CACNA1C: variants seen among roughly 807,000 people sequenced by gnomAD.
The protein encoded by CACNA1C is voltage-dependent L-type calcium channel subunit alpha-1C.
In CACNA1C, 30 loss-of-function variants were observed where a neutral mutation model predicts 229.0. The ratio of observed to expected loss-of-function variants is 0.13; its 90% CI spans 0.10 to 0.18. The LOEUF (loss-of-function observed/expected upper bound fraction) is 0.18. CACNA1C is among the 10% of genes least tolerant of loss of function. CACNA1C has a pLI of 1.00. For synonymous variants in CACNA1C, 1,114 were observed against 1,132.5 expected (o/e 0.98, Z 0.33); for missense variants, 1,658 against 2,845.0 (o/e 0.58, Z 9.49).
Position 2,678,018 on chromosome 12 carries a change from C to T in CACNA1C, c.5091+151C>T. 2.3e-6 allele frequency: 2 copies of T among 865,974 alleles called. No individual in the cohort carries two copies. Among genetic ancestry groups the T allele is most frequent in the African/African-American group, 1.7e-5 (1 of 59,644 alleles). 53.6% of individuals were successfully genotyped at this position (865,974 alleles called of 1,614,324 possible). ...CTCTTCCTGATGAGCTGTCTCCTCA[C>T]CCCTTTGCCTTTTCCAAGCCTGACT... On this transcript the variant is annotated intron_variant, in intron 41 of 46. Coordinates refer to ENST00000399655, the MANE Select transcript of CACNA1C (RefSeq NM_000719.7). The surrounding 1 kb of genome is among the most constrained non-coding windows in gnomAD (Gnocchi z 4.1).
chr12:2,001,699 T>G (rs1165161224), intron 1 of CACNA1C, among the ~76,000 whole-genome samples: 1 of 152,230 alleles, frequency 6.6e-6, no homozygotes, highest in Non-Finnish European at 1.5e-5. Context: ...GGTTTTAGTT[T>G]GGCATTTTTC....
At chr12:2,360,330 G>A (rs901645657) in intron 3 of CACNA1C, among the ~76,000 whole-genome samples, 1 of 152,198 alleles carries the variant, frequency 6.6e-6, no homozygotes, top group Admixed American at 6.5e-5. Context: ...TCCACTGCCC[G>A]GGAGCTGCTC....
At position 2,691,380 on chromosome 12, in the gene CACNA1C, G is replaced by A. The variant is rs1428817965; in HGVS notation, c.*181G>A. The A allele has an allele frequency of 3.0e-5, 18 of 595,540 alleles. No individual in the cohort carries two copies. Among genetic ancestry groups the A allele is most frequent in the South Asian group, 6.1e-5 (1 of 16,372 alleles). The allele number at this position is 595,540 out of a possible 1,614,324, so 36.9% of individuals were successfully genotyped here. A position where few individuals can be genotyped will look rare whatever the true frequency, so the allele number is the denominator to read the frequency against. ...CCGCCCTCCGGGAGGAAGGCGCCCGGCTGCGTCTGCAGAGGCGGGGAGAGG... is the reference window on the plus strand; with the variant it reads ...CCGCCCTCCGGGAGGAAGGCGCCCGACTGCGTCTGCAGAGGCGGGGAGAGG... On this transcript the variant is annotated 3_prime_UTR_variant, in exon 47 of 47. Coordinates refer to ENST00000399655, the MANE Select transcript of CACNA1C (RefSeq NM_000719.7).
At chr12:2,254,078 T>C (rs2076532144) in intron 3 of CACNA1C, among the ~76,000 whole-genome samples, 1 of 152,164 alleles carries the variant, frequency 6.6e-6, no homozygotes, top group South Asian at 2.1e-4. Context: ...ACCTGGGCAC[T>C]TCTTAGTTTG....
chr12:2,334,789 G>T (rs552577888), intron 3 of CACNA1C, among the ~76,000 whole-genome samples: 1 of 152,104 alleles, frequency 6.6e-6, no homozygotes, highest in African/African-American at 2.4e-5. Context: ...GATTAAATGA[G>T]ATGACAGCAA....
chr12:2,559,404 A>G (rs1006564), intron 11 of CACNA1C, among the ~76,000 whole-genome samples: 130,491 of 152,256 alleles, frequency 0.86, 56,288 homozygotes, highest in Non-Finnish European at 0.91. Flanking sequence ...TATGGTGCAA[A>G]CTGTGCTTTT....
chr12:2,336,082 T>G (rs1346094751), intron 3 of CACNA1C, among the ~76,000 whole-genome samples: 7 of 150,966 alleles, frequency 4.6e-5, no homozygotes, highest in Non-Finnish European at 1.0e-4. Flanking sequence ...GAAAATTTCC[T>G]TACTATTTTA....
intron 3 of CACNA1C, among the ~76,000 whole-genome samples, chr12:2,433,325 G>A (rs139906453): frequency 2.1e-3 from 319 of 152,288 alleles, no homozygotes; most frequent in African/African-American, 7.0e-3. Flanking sequence ...TTGTGGGGCC[G>A]CAGACCTGGA....
intron 3 of CACNA1C, among the ~76,000 whole-genome samples, chr12:2,260,249 A>C (rs760304864): frequency 6.6e-6 from 1 of 151,990 alleles, no homozygotes; most frequent in African/African-American, 2.4e-5. Context: ...AGGCAGCAGC[A>C]GGAAGATTGC....
chr12:2,149,615 A>G (rs993134626), intron 3 of CACNA1C, among the ~76,000 whole-genome samples: 7 of 152,224 alleles, frequency 4.6e-5, no homozygotes, highest in African/African-American at 1.4e-4. Flanking sequence ...TGTCTGCCCT[A>G]TCAGAGAACT....
At chr12:2,229,681 G>T (rs2064143968) in intron 3 of CACNA1C, among the ~76,000 whole-genome samples, 1 of 152,180 alleles carries the variant, frequency 6.6e-6, no homozygotes, top group Non-Finnish European at 1.5e-5. Context: ...GAATGAGGGG[G>T]TCAGCAGGGT....
intron 10 of CACNA1C, among the ~76,000 whole-genome samples, chr12:2,555,917 C>T (rs1230723885): frequency 6.6e-6 from 1 of 151,372 alleles, no homozygotes; most frequent in Non-Finnish European, 1.5e-5. Flanking sequence ...TCCCAGACTC[C>T]CTTCTCCTGT....
Position 2,651,653 on chromosome 12 carries a change from A to G in CACNA1C, c.3959A>G (p.Asn1320Ser). ...QCSPSMNAEE[N>S]SRISITFFRL... Reference sequence around the variant, plus strand: ...GACGGGTTCCAGAACGCAGAGGAAAACTCCCGCATCTCCATCACCTTCTTC... The same window carrying G: ...GACGGGTTCCAGAACGCAGAGGAAAGCTCCCGCATCTCCATCACCTTCTTC... The change falls in exon 32 of 47, where the codon AAC becomes AGC. Residue 1320 changes from asparagine to serine, a missense_variant. Physicochemically the swap from Asn to Ser is conservative, Grantham distance 46 (BLOSUM62 1). Coordinates refer to ENST00000399655, the MANE Select transcript of CACNA1C (RefSeq NM_000719.7). This position sits in a 1 kb window ranked among gnomAD's most constrained non-coding sequence, Gnocchi z 5.4. The G allele has an allele frequency of 1.9e-6, 3 of 1,611,532 alleles. No homozygotes were observed. The highest frequency in any genetic ancestry group is 2.5e-6 in the Non-Finnish European group (3 of 1,179,112).
At chr12:2,379,985 C>T (rs954547154) in intron 3 of CACNA1C, among the ~76,000 whole-genome samples, 6 of 142,808 alleles carry the variant, frequency 4.2e-5, no homozygotes, top group Non-Finnish European at 7.7e-5. Context: ...GAGCCGAGAT[C>T]CCGCCACTGC....
chr12:2,208,747 G>A (rs910450048), intron 3 of CACNA1C, among the ~76,000 whole-genome samples: 4 of 152,324 alleles, frequency 2.6e-5, no homozygotes, highest in Non-Finnish European at 2.9e-5. Flanking sequence ...AATGAAGCCA[G>A]AGGTGTAGGC....
chr12:2,566,706 G>A lies in CACNA1C; in HGVS notation c.1669+124G>A, dbSNP rs1332105862. ...CAGCCAATGGTCGGGGCTCTTGGCA[G>A]GTGCTGTGCTGGAGACACCAAGGGC... On this transcript the variant is annotated intron_variant, in intron 12 of 46. Transcript: ENST00000399655. This position sits in a 1 kb window ranked among gnomAD's most constrained non-coding sequence, Gnocchi z 4.0. 3.7e-6 allele frequency: 3 copies of A among 800,142 alleles called. No individual in the cohort carries two copies. In the African/African-American group the frequency reaches 5.2e-5, roughly 14 times the overall value. The allele number at this position is 800,142 out of a possible 1,614,324, so 49.6% of individuals were successfully genotyped here. A position where few individuals can be genotyped will look rare whatever the true frequency, so the allele number is the denominator to read the frequency against.
chr12:2,528,915 A>G (rs557832554), intron 9 of CACNA1C, among the ~76,000 whole-genome samples: 1 of 152,306 alleles, frequency 6.6e-6, no homozygotes, highest in East Asian at 1.9e-4. Context: ...AAGGTCGCCC[A>G]TTGGACACTC....
intron 1 of CACNA1C, among the ~76,000 whole-genome samples, chr12:2,042,318 A>T (rs1594241491): frequency 6.6e-6 from 1 of 152,202 alleles, no homozygotes; most frequent in East Asian, 1.9e-4. Context: ...ATTAAAATTT[A>T]AAATTTAAAA....
At chr12:2,168,569 A>G (rs2096344827) in intron 3 of CACNA1C, among the ~76,000 whole-genome samples, 1 of 152,232 alleles carries the variant, frequency 6.6e-6, no homozygotes, top group African/African-American at 2.4e-5. Flanking sequence ...ACAAAACAAC[A>G]CAAATGAATG....
Sources: gnomAD v4.1 joint callset for allele counts (sites outside exome capture counted in the v4.1 genomes callset) on GRCh38, gnomAD v4.1.1 for gene constraint, Gnocchi (gnomAD v3.1) non-coding constraint, MANE v1.5 for transcripts, NCBI Gene and HGNC (gene_info 2026-07-23, HGNC 2026-07-21) for gene names.